The following KL variants were observed in gnomAD, a reference collection of about 807,000 sequenced individuals.
The protein encoded by KL is alpha-klotho.
In KL, 62 loss-of-function variants were observed where a neutral mutation model predicts 84.2. The ratio of observed to expected loss-of-function variants is 0.74; its 90% CI spans 0.60 to 0.91. The LOEUF is 0.91. Ranked by LOEUF, KL falls within the 40% of genes least tolerant of loss-of-function variation. The probability of loss-of-function intolerance (pLI) is 0.00; values close to 1 mark genes in which losing one functional copy is unlikely to be tolerated. For missense variants in KL, 1,261 were observed against 1,305.7 expected, an observed-to-expected ratio of 0.97 and a Z score of 0.53; for synonymous variants, 528 against 528.0, an observed-to-expected ratio of 1.00 and a Z score of 0.00.
At chr13:33,054,392 C>A in intron 2 of KL, 115 bp downstream of exon 2, 1 of 1,117,298 alleles carries the variant, frequency 9.0e-7, no homozygotes, top group Non-Finnish European at 1.3e-6. Context: ...TGGAGACATT[C>A]ATTTTGGCAA....
chr13:33,038,623 C>T (rs1470230641), intron 1 of KL, among the ~76,000 whole-genome samples: 1 of 152,132 alleles, frequency 6.6e-6, no homozygotes, highest in East Asian at 1.9e-4. Context: ...ACTAGACTTC[C>T]CAGTATTAAT....
intron 1 of KL, among the ~76,000 whole-genome samples, chr13:33,023,130 C>T (rs1870636133): frequency 6.6e-6 from 1 of 152,178 alleles, no homozygotes; most frequent in Admixed American, 6.5e-5. Context: ...AGAACTCAGT[C>T]ACATGGTCAA....
At chr13:33,053,619 A>T in intron 1 of KL, 148 bp from the exon 2 acceptor site, 1 of 746,352 alleles carries the variant, frequency 1.3e-6, no homozygotes, top group Non-Finnish European at 2.2e-6. Flanking sequence ...CTTTGAAATA[A>T]TGTATTGGTT....
At chr13:33,062,046 A>G (rs1478791948) in intron 4 of KL, among the ~76,000 whole-genome samples, 2 of 152,226 alleles carry the variant, frequency 1.3e-5, no homozygotes. Flanking sequence ...ATGGCTCCAC[A>G]GCAGTCTTAA....
At chr13:33,053,211 C>G (rs1593806477) in intron 1 of KL, among the ~76,000 whole-genome samples, 1 of 152,170 alleles carries the variant, frequency 6.6e-6, no homozygotes, top group East Asian at 1.9e-4. Context: ...GGAGTGGGTT[C>G]TTTAATTTAT....
At chr13:33,024,495 T>C (rs1379320297) in intron 1 of KL, among the ~76,000 whole-genome samples, 1 of 152,170 alleles carries the variant, frequency 6.6e-6, no homozygotes, top group Non-Finnish European at 1.5e-5. Flanking sequence ...GACGAGTGGT[T>C]GGAGTTCTCC....
At chr13:33,052,304 A>G (rs775460268) in intron 1 of KL, among the ~76,000 whole-genome samples, 6 of 152,156 alleles carry the variant, frequency 3.9e-5, no homozygotes, top group Non-Finnish European at 7.4e-5. Flanking sequence ...TTTCCTTTCA[A>G]TGAGGAAGGG....
chr13:33,037,338 A>G (rs1182252871), intron 1 of KL, among the ~76,000 whole-genome samples: 1 of 152,210 alleles, frequency 6.6e-6, no homozygotes, highest in African/African-American at 2.4e-5. Flanking sequence ...AAAAAAAACA[A>G]CAAAGATTTT....
At chr13:33,017,379 G>A in intron 1 of KL, 120 bp downstream of exon 1, 1 of 948,458 alleles carries the variant, frequency 1.1e-6, no homozygotes, top group Non-Finnish European at 1.5e-6. Context: ...ACACGTGTAT[G>A]TGGTCACCGG....
chr13:33,019,091 A>G (rs1228551618), intron 1 of KL, among the ~76,000 whole-genome samples: 1 of 58,912 alleles, frequency 1.7e-5, no homozygotes, highest in Non-Finnish European at 3.6e-5. Context: ...GAAATTAGTA[A>G]CAGGTGAATG....
At chr13:33,055,754 A>G (rs1286807342) in intron 3 of KL, among the ~76,000 whole-genome samples, 3 of 152,202 alleles carry the variant, frequency 2.0e-5, no homozygotes, top group Admixed American at 2.0e-4. Flanking sequence ...GGCTCCACAA[A>G]TGTGCAGAAA....
intron 1 of KL, among the ~76,000 whole-genome samples, chr13:33,025,177 C>T (rs1870722171): frequency 6.6e-6 from 1 of 152,108 alleles, no homozygotes; most frequent in Non-Finnish European, 1.5e-5. Context: ...GCTTAGGAAC[C>T]TATTTCAAGA....
At chr13:33,047,278 T>A (rs1871570842) in intron 1 of KL, among the ~76,000 whole-genome samples, 1 of 152,190 alleles carries the variant, frequency 6.6e-6, no homozygotes, top group African/African-American at 2.4e-5. Context: ...CTTTTTCTTT[T>A]ACATGATCAC....
rs1483106511 is a variant in KL, at chr13:33,065,254, G to A, written c.*1068G>A. On this transcript the variant is annotated 3_prime_UTR_variant, in exon 5 of 5. Transcript: ENST00000380099. Reference sequence around the variant, plus strand: ...AAGCAATCTGGTCTGAATAACACTGGATTTGTTTCTGTGATCTCTGAGGTC... The same window carrying A: ...AAGCAATCTGGTCTGAATAACACTGAATTTGTTTCTGTGATCTCTGAGGTC... 4.6e-6 allele frequency: 1 copy of A among 216,606 alleles called. No homozygotes were observed. Among genetic ancestry groups the A allele is most frequent in the Non-Finnish European group, 9.3e-6 (1 of 107,584 alleles). 13.4% of individuals were successfully genotyped at this position (216,606 alleles called of 1,614,324 possible).
At chr13:33,058,027 G>C (rs148372274) in intron 3 of KL, among the ~76,000 whole-genome samples, 264 of 152,240 alleles carry the variant, frequency 1.7e-3, no homozygotes, top group African/African-American at 6.0e-3. Flanking sequence ...CACACAACCT[G>C]ACTTTAGGCT....
chr13:33,035,777 G>A (rs985312809), intron 1 of KL, among the ~76,000 whole-genome samples: 14 of 152,260 alleles, frequency 9.2e-5, no homozygotes, highest in East Asian at 1.9e-4. Flanking sequence ...ACAACCTAGC[G>A]TCAATGACTT....
At chr13:33,029,563 C>T (rs1870896240) in intron 1 of KL, among the ~76,000 whole-genome samples, 1 of 152,168 alleles carries the variant, frequency 6.6e-6, no homozygotes, top group Non-Finnish European at 1.5e-5. Context: ...CTATTGTGTT[C>T]TCAGATATGC....
rs1050352800 is a variant in KL, at chr13:33,016,472, G to GGCCGCC, written c.40_45dup (p.Pro14_Pro15dup). 27 of 1,062,538 alleles carry GGCCGCC rather than the reference G, an allele frequency of 2.5e-5. No homozygotes were observed. Among genetic ancestry groups the GGCCGCC allele is most frequent in the Non-Finnish European group, 3.1e-5 (27 of 881,640 alleles). 65.8% of individuals were successfully genotyped at this position (1,062,538 alleles called of 1,614,324 possible). ...GCCAGCGCCCCGCCGCGCCGCCCGCGGCCGCCGCCGCCGTCGCTGTCGCTG... is the reference window on the plus strand; with the variant it reads ...GCCAGCGCCCCGCCGCGCCGCCCGCGGCCGCCGCCGCCGCCGCCGTCGCTGTCGCTG... On this transcript the variant is annotated inframe_insertion, in exon 1 of 5. Transcript: ENST00000380099.
At chr13:33,031,876 A>T (rs934479824) in intron 1 of KL, among the ~76,000 whole-genome samples, 5 of 152,172 alleles carry the variant, frequency 3.3e-5, no homozygotes, top group South Asian at 2.1e-4. Flanking sequence ...AAAGTAATTT[A>T]AAAAACCCAT....
Sources: allele counts gnomAD v4.1 joint callset (sites outside exome capture counted in the v4.1 genomes callset), GRCh38; gene constraint gnomAD v4.1.1; transcripts MANE v1.5; gene names NCBI Gene and HGNC (gene_info 2026-07-23, HGNC 2026-07-21).